Variants in IKBKB observed in about 807,000 individuals in gnomAD.
The protein encoded by IKBKB is inhibitor of nuclear factor kappa-B kinase subunit beta.
IKBKB carries 42 observed loss-of-function variants against 113.6 expected under a neutral mutation model. The observed-to-expected ratio is 0.37, with a 90% confidence interval of 0.29 to 0.48. The LOEUF (loss-of-function observed/expected upper bound fraction) is 0.48. Among genes scored for constraint, IKBKB ranks in the 20% least tolerant of loss-of-function variants. IKBKB has a pLI of 0.99. For missense variants in IKBKB, 673 were observed against 939.7 expected, an observed-to-expected ratio of 0.72 and a Z score of 3.71; for synonymous variants, 296 against 361.3, an observed-to-expected ratio of 0.82 and a Z score of 2.05.
At chr8:42,302,009 T>C (rs983243871) in intron 5 of IKBKB, among the ~76,000 whole-genome samples, 1 of 152,172 alleles carries the variant, frequency 6.6e-6, no homozygotes, top group Non-Finnish European at 1.5e-5. Context: ...ATGTATTACA[T>C]CCTGATACTC....
At chr8:42,272,961 A>C (rs1174881244) in intron 2 of IKBKB, among the ~76,000 whole-genome samples, 1 of 150,146 alleles carries the variant, frequency 6.7e-6, no homozygotes, top group African/African-American at 2.5e-5. Flanking sequence ...AAAAAAAAAA[A>C]CCTTAGGCAG....
intron 1 of IKBKB, chr8:42,271,840 C>T: frequency 1.8e-6 from 1 of 554,092 alleles, no homozygotes. Context: ...GGCATCGCCT[C>T]CCTCGGTGAC....
At chr8:42,318,754 G>A in intron 13 of IKBKB, 79 bp downstream of exon 13, 4 of 1,395,190 alleles carry the variant, frequency 2.9e-6, no homozygotes, top group Admixed American at 2.4e-5. Flanking sequence ...GGTGGTTGAG[G>A]CAGGGACCCA....
At chr8:42,278,281 G>A (rs1304788890) in intron 2 of IKBKB, among the ~76,000 whole-genome samples, 1 of 152,208 alleles carries the variant, frequency 6.6e-6, no homozygotes, top group African/African-American at 2.4e-5. Flanking sequence ...ACAAGTGCCT[G>A]GGTGGCTGAG....
rs542748128 is a variant in IKBKB, at chr8:42,320,582, G to A, written c.1579-153G>A. The A allele has an allele frequency of 1.1e-4, 66 of 611,632 alleles. 1 individual carries two copies. The South Asian group carries it at 1.3e-3, about 12-fold the overall frequency. The allele number at this position is 611,632 out of a possible 1,614,324, so 37.9% of individuals were successfully genotyped here. ...GCGGTGGACCCTAGATGCAGGCGCA[G>A]CCATTCAGACCCCACAGTCCACATT... On this transcript the variant is annotated intron_variant, in intron 15 of 21. Transcript: ENST00000520810.
intron 5 of IKBKB, 26 bp downstream of exon 5, chr8:42,293,538 C>A: frequency 6.2e-7 from 1 of 1,614,106 alleles, no homozygotes; most frequent in Non-Finnish European, 8.5e-7. Context: ...GGAATTCAGG[C>A]CGTGTCCTTC....
Position 42,301,226 on chromosome 8 carries a change from G to A in IKBKB, c.389-3961G>A, listed in dbSNP as rs145888678. 5.9e-5 allele frequency among the ~76,000 whole-genome samples: 9 copies of A among 152,302 alleles called. No homozygotes were observed. The East Asian group carries it at 1.7e-3, about 29-fold the overall frequency. On this transcript the variant is annotated intron_variant, in intron 5 of 21. Coordinates refer to ENST00000520810, the MANE Select transcript of IKBKB (RefSeq NM_001556.3). The stretch of plus-strand genomic sequence containing the variant: ...TTCTCACAGCTCTTCTCTGTAATGG[G>A]AACATGAAAAATTACCTGGTACAGT...
intron 4 of IKBKB, among the ~76,000 whole-genome samples, chr8:42,293,059 G>A (rs1188824056): frequency 6.6e-6 from 1 of 152,084 alleles, no homozygotes; most frequent in African/African-American, 2.4e-5. Flanking sequence ...TGGTCGGAGG[G>A]TGGTATCCAG....
chr8:42,306,661 G>A (rs1272195542), intron 7 of IKBKB, among the ~76,000 whole-genome samples: 3 of 152,218 alleles, frequency 2.0e-5, no homozygotes, highest in South Asian at 2.1e-4. Context: ...CTGCTCATGC[G>A]CCTTGCACCA....
At position 42,321,790 on chromosome 8, in the gene IKBKB, C is replaced by T. The variant is rs114735134; in HGVS notation, c.1689-106C>T. 1,709 of 756,272 alleles carry T rather than the reference C, an allele frequency of 2.3e-3. 14 individuals carry two copies. Among genetic ancestry groups the T allele is most frequent in the African/African-American group, 0.019 (1,103 of 56,782 alleles). The allele number at this position is 756,272 out of a possible 1,614,324, so 46.8% of individuals were successfully genotyped here. A position where few individuals can be genotyped will look rare whatever the true frequency, so the allele number is the denominator to read the frequency against. On this transcript the variant is annotated intron_variant, in intron 16 of 21. Transcript: ENST00000520810. ...AAGATTGCTTGTGAGCCCAGAAGTT[C>T]GAGACCAGCCTGGGCAACATGGTGA...
rs913670342 is a variant in IKBKB at position 42,329,387 on chromosome 8, A to C, written c.2205+173A>C. On this transcript the variant is annotated intron_variant, in intron 21 of 21. Transcript: ENST00000520810. The stretch of plus-strand genomic sequence containing the variant: ...ACCCAGGCTGGAGTGCAGTGGCATG[A>C]TCTTGGCTCACTGCAACCTCCGCTT... 5.4e-6 allele frequency: 6 copies of C among 1,118,236 alleles called. No homozygotes were observed. In the Admixed American group the frequency reaches 2.5e-4, roughly 46 times the overall value. 69.3% of individuals were successfully genotyped at this position (1,118,236 alleles called of 1,614,324 possible).
At chr8:42,300,480 A>T (rs1473703386) in intron 5 of IKBKB, among the ~76,000 whole-genome samples, 3 of 152,180 alleles carry the variant, frequency 2.0e-5, no homozygotes, top group Admixed American at 6.5e-5. Flanking sequence ...CTTGTGATAG[A>T]TAGAGATTCA....
At chr8:42,311,019 A>G (rs929410465) in intron 8 of IKBKB, among the ~76,000 whole-genome samples, 1 of 152,214 alleles carries the variant, frequency 6.6e-6, no homozygotes, top group African/African-American at 2.4e-5. Context: ...TTGTTTCCCT[A>G]GGATAATACC....
At chr8:42,300,922 A>C (rs1008595380) in intron 5 of IKBKB, among the ~76,000 whole-genome samples, 1 of 152,158 alleles carries the variant, frequency 6.6e-6, no homozygotes, top group Non-Finnish European at 1.5e-5. Context: ...TGGCACGATC[A>C]TGTTTCACCG....
chr8:42,319,567 T>G lies in IKBKB; in HGVS notation c.1517-18T>G, dbSNP rs749597784. On this transcript the variant is annotated intron_variant, in intron 14 of 21. Coordinates refer to ENST00000520810, the MANE Select transcript of IKBKB (RefSeq NM_001556.3). ...TTATTTTGTTTTGTTTTGTTTTTCC[T>G]TCTCAATTTTTTTTCAGCATCAGAT... is the stretch of plus-strand genomic sequence containing the variant. The G allele has an allele frequency of 6.3e-7, 1 of 1,583,706 alleles. No homozygotes were observed. The highest frequency in any genetic ancestry group is 8.6e-7 in the Non-Finnish European group (1 of 1,169,184).
Position 42,330,960 on chromosome 8 carries a change from G to A in IKBKB, c.2252G>A (p.Cys751Tyr). Residue 751 changes from cysteine (C) to tyrosine (Y), a missense_variant, in exon 22 of 22, where the codon TGC becomes TAC. Coordinates refer to ENST00000520810, the MANE Select transcript of IKBKB (RefSeq NM_001556.3). ...WLQTEEEEHS[C>Y]LEQAS Reference sequence around the variant, plus strand: ...CAGACGGAAGAAGAAGAGCACAGCTGCCTGGAGCAGGCCTCATGATGTGGG... The same window carrying A: ...CAGACGGAAGAAGAAGAGCACAGCTACCTGGAGCAGGCCTCATGATGTGGG... 6.2e-7 allele frequency: 1 copy of A among 1,614,174 alleles called. No individual in the cohort carries two copies. Among genetic ancestry groups the A allele is most frequent in the Non-Finnish European group, 8.5e-7 (1 of 1,180,034 alleles).
intron 2 of IKBKB, among the ~76,000 whole-genome samples, chr8:42,280,297 G>A (rs1331113939): frequency 1.3e-5 from 2 of 152,164 alleles, no homozygotes; most frequent in Admixed American, 6.5e-5. Flanking sequence ...CTCCTGCCAC[G>A]CGGGCCTCAC....
At chr8:42,290,966 A>G (rs1189862445) in intron 4 of IKBKB, among the ~76,000 whole-genome samples, 3 of 152,144 alleles carry the variant, frequency 2.0e-5, no homozygotes, top group Non-Finnish European at 4.4e-5. Context: ...CTGCTAGTAC[A>G]TGTTACCTCA....
intron 2 of IKBKB, among the ~76,000 whole-genome samples, chr8:42,283,159 GT>G (rs1433002038): frequency 1.3e-5 from 2 of 152,220 alleles, no homozygotes; most frequent in African/African-American, 4.8e-5. Flanking sequence ...ATCAGGTCCA[GT>G]GTTTGTGTTG....
Sources: gnomAD v4.1 joint callset for allele counts (sites outside exome capture counted in the v4.1 genomes callset) on GRCh38, gnomAD v4.1.1 for gene constraint, MANE v1.5 for transcripts, NCBI Gene and HGNC (gene_info 2026-07-23, HGNC 2026-07-21) for gene names.